Variants in LRRTM4 observed in about 807,000 individuals in gnomAD.
LRRTM4 encodes the protein leucine rich repeat transmembrane neuronal 4, also known as leucine-rich repeat transmembrane neuronal protein 4.
Under a neutral mutation model 47.6 loss-of-function variants are expected in LRRTM4, and 25 were observed. That is an observed-to-expected ratio of 0.53 (90% confidence interval 0.38 to 0.73). LRRTM4 has a LOEUF of 0.73. Among genes scored for constraint, LRRTM4 ranks in the 30% least tolerant of loss-of-function variants. The pLI is 0.00. For synonymous variants in LRRTM4, 311 were observed against 269.5 expected (o/e 1.15, Z -1.51); for missense variants, 638 against 713.4 (o/e 0.89, Z 1.20).
chr2:77,138,838 T>C (rs1294193547), intron 3 of LRRTM4, among the ~76,000 whole-genome samples: 2 of 152,140 alleles, frequency 1.3e-5, no homozygotes, highest in South Asian at 4.1e-4. Context: ...AAGAATACTA[T>C]ACACACCTTT....
intron 3 of LRRTM4, among the ~76,000 whole-genome samples, chr2:77,168,728 A>G (rs1156871568): frequency 6.6e-6 from 1 of 152,100 alleles, no homozygotes; most frequent in Admixed American, 6.6e-5. Flanking sequence ...TTTGAAAAGC[A>G]TCATTCTACT....
At chr2:76,758,002 C>T (rs969868297) in intron 3 of LRRTM4, among the ~76,000 whole-genome samples, 3 of 152,110 alleles carry the variant, frequency 2.0e-5, no homozygotes, top group Non-Finnish European at 4.4e-5. Context: ...CAGAGTTTTC[C>T]ATTCAAGTTC....
At chr2:76,768,240 G>A (rs995004848) in intron 3 of LRRTM4, among the ~76,000 whole-genome samples, 1 of 152,140 alleles carries the variant, frequency 6.6e-6, no homozygotes, top group Admixed American at 6.6e-5. Flanking sequence ...TAGAGGAAAA[G>A]TATATTGGTT....
intron 3 of LRRTM4, among the ~76,000 whole-genome samples, chr2:76,886,363 T>C (rs767783696): frequency 1.7e-4 from 26 of 152,176 alleles, no homozygotes; most frequent in Non-Finnish European, 3.4e-4. Flanking sequence ...TGATATCTGA[T>C]GGTGCATAAA....
At chr2:77,344,764 A>T (rs1019357239) in intron 3 of LRRTM4, among the ~76,000 whole-genome samples, 5 of 151,840 alleles carry the variant, frequency 3.3e-5, no homozygotes, top group African/African-American at 1.2e-4. Flanking sequence ...ACCGCTGAAA[A>T]CTAAAGAGAG....
At chr2:77,217,789 A>T (rs1674501748) in intron 3 of LRRTM4, among the ~76,000 whole-genome samples, 1 of 152,056 alleles carries the variant, frequency 6.6e-6, no homozygotes, top group Admixed American at 6.6e-5. Context: ...TGATGTAGCA[A>T]TCTGCTTTAC....
At chr2:77,142,710 G>C (rs1182128125) in intron 3 of LRRTM4, among the ~76,000 whole-genome samples, 1 of 152,112 alleles carries the variant, frequency 6.6e-6, no homozygotes, top group Non-Finnish European at 1.5e-5. Context: ...ACATTAGAAT[G>C]CTGAAGATGA....
intron 3 of LRRTM4, among the ~76,000 whole-genome samples, chr2:76,818,782 CA>C (rs1220160374): frequency 6.6e-6 from 1 of 151,456 alleles, no homozygotes; most frequent in East Asian, 1.9e-4. Flanking sequence ...TAATATTATT[CA>C]AAAAAACCAG....
chr2:76,748,747 G>T lies in LRRTM4; in HGVS notation c.1721C>A (p.Thr574Asn). 6.2e-7 allele frequency: 1 copy of T among 1,613,970 alleles called. No homozygotes were observed. The change falls in exon 4 of 4, where the codon ACC becomes AAC. Residue 574 changes from threonine (T) to asparagine (N), a missense_variant. Thr to Asn is a moderately conservative substitution (Grantham distance 65). Transcript: ENST00000409884. ...GGCCGGTGCTGCCGACCTGGCGATG[G>T]TGGCGATGAAGCTGTGGTCTCGGCC... ...ELGRDHSFIA[T>N]IARSAAPAIY...
intron 3 of LRRTM4, among the ~76,000 whole-genome samples, chr2:77,063,139 T>TTA (rs902404420): frequency 3.3e-5 from 5 of 151,552 alleles, no homozygotes; most frequent in African/African-American, 1.2e-4. Flanking sequence ...ATTTTTTTTT[T>TTA]AGGAGAGACA....
At chr2:76,951,654 A>T (rs1351877885) in intron 3 of LRRTM4, among the ~76,000 whole-genome samples, 8 of 151,972 alleles carry the variant, frequency 5.3e-5, no homozygotes, top group Non-Finnish European at 1.2e-4. Flanking sequence ...TGGGATACAT[A>T]TGCAGAACAT....
chr2:77,393,956 G>GA (rs1673601558), intron 3 of LRRTM4, among the ~76,000 whole-genome samples: 1 of 151,678 alleles, frequency 6.6e-6, no homozygotes, highest in African/African-American at 2.4e-5. Flanking sequence ...ACATTTATTC[G>GA]AAAAAAAGTT....
intron 3 of LRRTM4, among the ~76,000 whole-genome samples, chr2:76,911,875 G>A (rs543509870): frequency 5.1e-5 from 7 of 136,456 alleles, no homozygotes; most frequent in Non-Finnish European, 9.2e-5. Flanking sequence ...TGTGTAGCTT[G>A]AAATTCTCCA....
At chr2:77,068,827 A>G (rs34912534) in intron 3 of LRRTM4, among the ~76,000 whole-genome samples, 21,552 of 152,302 alleles carry the variant, frequency 0.14, 2,017 homozygotes, top group Non-Finnish European at 0.21. Context: ...CATGATGGCC[A>G]TAAGGCCTAC....
chr2:77,396,134 A>C lies in LRRTM4; in HGVS notation c.1551+122184T>G, dbSNP rs1263707574. Reference sequence around the variant, plus strand: ...TTTTGTTGTTTTTTTAATTAAAACCACCAAAAAGATTTGTTCATTTTACAA... The same window carrying C: ...TTTTGTTGTTTTTTTAATTAAAACCCCCAAAAAGATTTGTTCATTTTACAA... On this transcript the variant is annotated intron_variant, in intron 3 of 3. Transcript: ENST00000409884. Among the ~76,000 whole-genome samples, 9 of 151,928 alleles carry C rather than the reference A, an allele frequency of 5.9e-5. No individual in the cohort carries two copies. The East Asian group carries it at 7.7e-4, about 13-fold the overall frequency.
intron 3 of LRRTM4, among the ~76,000 whole-genome samples, chr2:77,404,945 G>A (rs1268506465): frequency 6.6e-6 from 1 of 151,990 alleles, no homozygotes; most frequent in East Asian, 1.9e-4. Flanking sequence ...TGTTTCTAAT[G>A]TTTTTCATGA....
chr2:77,307,105 T>C (rs290041), intron 3 of LRRTM4, among the ~76,000 whole-genome samples: 18,415 of 151,390 alleles, frequency 0.12, 1,998 homozygotes, highest in African/African-American at 0.28. Flanking sequence ...TTTCACTGTG[T>C]TAGCCAGGAT....
chr2:77,480,583 G>A (rs553136883), intron 3 of LRRTM4, among the ~76,000 whole-genome samples: 1 of 152,192 alleles, frequency 6.6e-6, no homozygotes, highest in East Asian at 1.9e-4. Flanking sequence ...TCAATTCCTA[G>A]ATAGATTTCT....
chr2:77,442,681 G>A (rs1675890598), intron 3 of LRRTM4, among the ~76,000 whole-genome samples: 1 of 152,180 alleles, frequency 6.6e-6, no homozygotes, highest in South Asian at 2.1e-4. Context: ...TGTTGGTACT[G>A]TCTATGTTTC....
Sources: allele counts gnomAD v4.1 joint callset (sites outside exome capture counted in the v4.1 genomes callset), GRCh38; gene constraint gnomAD v4.1.1; transcripts MANE v1.5; gene names NCBI Gene and HGNC (gene_info 2026-07-23, HGNC 2026-07-21).